Variants in NCKAP1 observed in about 807,000 individuals in gnomAD.
The protein encoded by NCKAP1 is NCK associated protein 1.
In NCKAP1, 21 loss-of-function variants were observed where a neutral mutation model predicts 151.2. The ratio of observed to expected loss-of-function variants is 0.14; its 90% CI spans 0.10 to 0.20. NCKAP1 has a LOEUF of 0.20. Ranked by LOEUF, NCKAP1 falls within the 10% of genes least tolerant of loss-of-function variation. NCKAP1 has a pLI of 1.00. For synonymous variants in NCKAP1, 484 were observed against 451.8 expected (o/e 1.07, Z -0.90); for missense variants, 933 against 1,352.1 (o/e 0.69, Z 4.86).
At chr2:183,014,466 C>T (rs1259842342) in intron 2 of NCKAP1, among the ~76,000 whole-genome samples, 1 of 152,084 alleles carries the variant, frequency 6.6e-6, no homozygotes, top group Non-Finnish European at 1.5e-5. Context: ...ATACAACACT[C>T]CTTTAAAAAA....
In NCKAP1 at chr2:182,918,691, G is replaced by C. The variant is rs1356629230; in HGVS notation, c.*7011C>G. On this transcript the variant is annotated 3_prime_UTR_variant, in exon 31 of 31. Transcript: ENST00000361354. ...GACTTTGGAGACTCAGAAGTGGGAG[G>C]ATGGGAACGGGTCTAGGGATAAAAA... 1 of 152,150 alleles carries C rather than the reference G, an allele frequency of 6.6e-6. No individual in the cohort carries two copies. Among genetic ancestry groups the C allele is most frequent in the Admixed American group, 6.5e-5 (1 of 15,272 alleles). 9.4% of individuals were successfully genotyped at this position (152,150 alleles called of 1,614,324 possible).
chr2:182,995,606 A>G (rs1413330599), intron 7 of NCKAP1, 95 bp downstream of exon 7: 12 of 1,151,464 alleles, frequency 1.0e-5, no homozygotes, highest in Non-Finnish European at 1.5e-5. Context: ...TAATAAGCTA[A>G]TGCTAATTAG....
intron 24 of NCKAP1, among the ~76,000 whole-genome samples, chr2:182,938,451 T>C (rs1309355828): frequency 6.8e-6 from 1 of 146,598 alleles, no homozygotes; most frequent in East Asian, 2.0e-4. Context: ...AGAATGAGAG[T>C]TGAGGAAAAA....
Position 182,928,915 on chromosome 2 carries a change from T to C in NCKAP1, c.2954-16A>G, listed in dbSNP as rs1696703371. 2.7e-6 allele frequency: 4 copies of C among 1,494,520 alleles called. No homozygotes were observed. Among genetic ancestry groups the C allele is most frequent in the Middle Eastern group, 1.7e-4 (1 of 5,780 alleles). The allele number at this position is 1,494,520 out of a possible 1,614,324, so 92.6% of individuals were successfully genotyped here. ...CTAATGTTTTCTAAGAGACAAAAATTAAGAATAAAATCAAGGTATTTCTTC... is the reference window on the plus strand; with the variant it reads ...CTAATGTTTTCTAAGAGACAAAAATCAAGAATAAAATCAAGGTATTTCTTC... On this transcript the variant is annotated splice_polypyrimidine_tract_variant and intron_variant, in intron 27 of 30. Coordinates refer to ENST00000361354, the MANE Select transcript of NCKAP1 (RefSeq NM_013436.5).
rs916522360 is a variant in NCKAP1, at chr2:182,923,919, C to T, written c.*1783G>A. The stretch of plus-strand genomic sequence containing the variant: ...CTCAGCCTAGCAGTGGTAGAGAATG[C>T]CTTATTTTCATCCTTATGCCCTTTC... On this transcript the variant is annotated 3_prime_UTR_variant, in exon 31 of 31. Coordinates refer to ENST00000361354, the MANE Select transcript of NCKAP1 (RefSeq NM_013436.5). The T allele has an allele frequency of 6.6e-6, 1 of 152,078 alleles. No individual in the cohort carries two copies. The highest frequency in any genetic ancestry group is 1.5e-5 in the Non-Finnish European group (1 of 68,004). 9.4% of individuals were successfully genotyped at this position (152,078 alleles called of 1,614,324 possible).
At chr2:182,957,675 T>C (rs1345924945) in intron 18 of NCKAP1, 79 bp from the exon 19 acceptor site, 1 of 1,424,042 alleles carries the variant, frequency 7.0e-7, no homozygotes, top group Non-Finnish European at 9.6e-7. Flanking sequence ...AAACAGTAGC[T>C]GAATCCAGGC....
chr2:182,961,732 A>AAAAT (rs1226559928), intron 18 of NCKAP1, among the ~76,000 whole-genome samples: 153 of 152,112 alleles, frequency 1.0e-3, no homozygotes, highest in Non-Finnish European at 1.3e-3. Context: ...AGTATAATAA[A>AAAAT]AAATAAATAA....
chr2:183,022,859 T>C (rs1698820890), intron 2 of NCKAP1: 1 of 152,218 alleles, frequency 6.6e-6, no homozygotes, highest in East Asian at 1.9e-4. Context: ...TCTTTTTATT[T>C]TTAAACCAGT....
chr2:183,024,843 T>C (rs1575071410), intron 1 of NCKAP1: 1 of 911,986 alleles, frequency 1.1e-6, no homozygotes, highest in Admixed American at 2.5e-5. Flanking sequence ...TGTGAGGAAA[T>C]ACACTACTGC....
At chr2:182,982,621 A>G (rs1276225840) in intron 12 of NCKAP1, among the ~76,000 whole-genome samples, 200 bp downstream of exon 12, 1 of 152,140 alleles carries the variant, frequency 6.6e-6, no homozygotes, top group Non-Finnish European at 1.5e-5. Flanking sequence ...ATTTTGCCCA[A>G]CTGTAGGCTA....
chr2:183,013,375 C>A (rs962745904), intron 2 of NCKAP1, among the ~76,000 whole-genome samples: 5 of 152,138 alleles, frequency 3.3e-5, no homozygotes, highest in African/African-American at 1.2e-4. Context: ...AAACCTATTT[C>A]TCCTGTTCTC....
chr2:182,983,325 A>G lies in NCKAP1; in HGVS notation c.1062T>C (p.Ala354=), dbSNP rs35142583. 56,698 of 1,612,722 alleles carry G rather than the reference A, an allele frequency of 0.035. 1,161 individuals carry two copies. Among genetic ancestry groups the G allele is most frequent in the Non-Finnish European group, 0.04 (47,460 of 1,178,776 alleles). Residue 354 remains alanine (A), a synonymous_variant, in exon 11 of 31, where the codon GCT becomes GCC. Transcript: ENST00000361354. ...KFLRSALKEL[A]TVLSDQPGLL... is the part of the protein sequence containing the mutation. The stretch of plus-strand genomic sequence containing the variant: ...ATCCAGGTTGATCAGAGAGGACAGT[A>G]GCCAATTCCTTCAGTGCAGATCTTA...
At chr2:182,940,798 G>A (rs868268479) in intron 24 of NCKAP1, among the ~76,000 whole-genome samples, 11 of 152,116 alleles carry the variant, frequency 7.2e-5, no homozygotes, top group South Asian at 4.1e-4. Context: ...GATATGTGTC[G>A]TATGACACAT....
chr2:183,002,731 T>C (rs182377797), intron 4 of NCKAP1, among the ~76,000 whole-genome samples: 2 of 152,144 alleles, frequency 1.3e-5, no homozygotes, highest in Admixed American at 1.3e-4. Context: ...AAATTGGGCC[T>C]ATTAAATAAA....
rs1032139225 is a variant in NCKAP1 at position 182,921,992 on chromosome 2, A to G, written c.*3710T>C. 1.2e-4 allele frequency: 18 copies of G among 152,210 alleles called. 1 individual carries two copies. Among genetic ancestry groups the G allele is most frequent in the Admixed American group, 1.1e-3 (17 of 15,288 alleles). 9.4% of individuals were successfully genotyped at this position (152,210 alleles called of 1,614,324 possible). A position where few individuals can be genotyped will look rare whatever the true frequency, so the allele number is the denominator to read the frequency against. The stretch of plus-strand genomic sequence containing the variant: ...TTCCCAAAGGCAGAGGTCATGGCAA[A>G]TCTTCGGAGAAAGAGAGCATTTTGT... On this transcript the variant is annotated 3_prime_UTR_variant, in exon 31 of 31. Coordinates refer to ENST00000361354, the MANE Select transcript of NCKAP1 (RefSeq NM_013436.5).
intron 8 of NCKAP1, among the ~76,000 whole-genome samples, chr2:182,994,526 C>A (rs1466337984): frequency 6.6e-6 from 1 of 151,950 alleles, no homozygotes; most frequent in East Asian, 1.9e-4. Flanking sequence ...GTTGTCCCGG[C>A]TACTCGGGAG....
intron 9 of NCKAP1, among the ~76,000 whole-genome samples, chr2:182,986,659 A>G (rs1032873748): frequency 1.3e-5 from 2 of 152,184 alleles, no homozygotes. Flanking sequence ...TATATTAGTG[A>G]TCAAAAGTAA....
chr2:182,964,458 C>T (rs113697119), intron 17 of NCKAP1, among the ~76,000 whole-genome samples: 7,495 of 152,058 alleles, frequency 0.049, 244 homozygotes, highest in African/African-American at 0.094. Context: ...AAGGTAATTC[C>T]AAGTGACTTT....
intron 26 of NCKAP1, among the ~76,000 whole-genome samples, chr2:182,933,492 C>G (rs1004353842): frequency 1.3e-5 from 2 of 148,186 alleles, no homozygotes; most frequent in Non-Finnish European, 3.0e-5. Context: ...CTCCTGGGTT[C>G]AAGAGATTCT....
Sources: gnomAD v4.1 joint callset for allele counts (sites outside exome capture counted in the v4.1 genomes callset) on GRCh38, gnomAD v4.1.1 for gene constraint, MANE v1.5 for transcripts, NCBI Gene and HGNC (gene_info 2026-07-23, HGNC 2026-07-21) for gene names.